The following TSPOAP1 variants were observed in gnomAD, a reference collection of about 807,000 sequenced individuals.
TSPOAP1 encodes the protein TSPO associated protein 1.
A neutral mutation model predicts 197.0 loss-of-function variants in TSPOAP1; 87 were observed. The observed-to-expected ratio is 0.44, with a 90% CI of 0.37 to 0.53. The LOEUF (loss-of-function observed/expected upper bound fraction) is 0.53, where lower values mean the gene tolerates loss of function less well. Among genes scored for constraint, TSPOAP1 ranks in the 20% least tolerant of loss-of-function variants. TSPOAP1 has a pLI of 0.00. For synonymous variants in TSPOAP1, 913 were observed against 998.9 expected, an observed-to-expected ratio of 0.91 and a Z score of 1.62; for missense variants, 2,174 against 2,411.3, an observed-to-expected ratio of 0.90 and a Z score of 2.06.
chr17:58,311,233 C>T lies in TSPOAP1; in HGVS notation c.3082-20G>A, dbSNP rs1156949548. 6.2e-7 allele frequency: 1 copy of T among 1,607,262 alleles called. No individual in the cohort carries two copies. The highest frequency in any genetic ancestry group is 8.5e-7 in the Non-Finnish European group (1 of 1,178,780). On this transcript the variant is annotated intron_variant, in intron 18 of 31. Coordinates refer to ENST00000343736, the MANE Select transcript of TSPOAP1 (RefSeq NM_004758.4). Reference sequence around the variant, plus strand: ...CATGATCTGCAGGGTGGAGGGGGCACAGGATGGGAAGCAGAGGCTGAGACA... The same window carrying T: ...CATGATCTGCAGGGTGGAGGGGGCATAGGATGGGAAGCAGAGGCTGAGACA...
At position 58,309,324 on chromosome 17, in the gene TSPOAP1, G is replaced by A. The variant is rs1330151754; in HGVS notation, c.3948C>T (p.Ile1316=). The A allele has an allele frequency of 6.2e-7, 1 of 1,613,456 alleles. No homozygotes were observed. Among genetic ancestry groups the A allele is most frequent in the Non-Finnish European group, 8.5e-7 (1 of 1,180,004 alleles). Residue 1316 remains isoleucine (I), a synonymous_variant, in exon 22 of 32, where the codon ATC becomes ATT. Coordinates refer to ENST00000343736, the MANE Select transcript of TSPOAP1 (RefSeq NM_004758.4). The surrounding 1 kb of genome is among the most constrained non-coding windows in gnomAD (Gnocchi z 5.0). ...TDSDEEILEQ[I]LELPLQQFCS... ...AGAACTGCTGGAGGGGCAGCTCCAG[G>A]ATCTGCTCCAAGATCTCCTCATCGC...
chr17:58,315,898 T>TGGAG, intron 16 of TSPOAP1, 125 bp downstream of exon 16: 1 of 707,230 alleles, frequency 1.4e-6, no homozygotes, highest in Non-Finnish European at 2.5e-6. Flanking sequence ...AGGGGATGGA[T>TGGAG]GGATGGATGG....
chr17:58,311,332 T>C, intron 18 of TSPOAP1, 119 bp from the exon 19 acceptor site: 1 of 1,418,752 alleles, frequency 7.0e-7, no homozygotes, highest in Non-Finnish European at 9.5e-7. Flanking sequence ...CGCCAGGTAC[T>C]GTGCTAAGCC....
chr17:58,311,831 T>C (rs1971086068), intron 17 of TSPOAP1, 61 bp downstream of exon 17: 1 of 1,486,698 alleles, frequency 6.7e-7, no homozygotes. Context: ...GGTCCCCTTC[T>C]TCCGTCACCC....
Position 58,323,467 on chromosome 17 carries a change from C to T in TSPOAP1, c.1020+1G>A, listed in dbSNP as rs1361412129. 1.9e-6 allele frequency: 3 copies of T among 1,614,102 alleles called. No homozygotes were observed. Among genetic ancestry groups the T allele is most frequent in the Non-Finnish European group, 2.5e-6 (3 of 1,180,020 alleles). ...CCTCCAGCCCTTGACCTAGGACTTA[C>T]CAGCTGCTGCACCCTCTGCTCTTTC... On this transcript the variant is annotated splice_donor_variant, in intron 6 of 31. Coordinates refer to ENST00000343736, the MANE Select transcript of TSPOAP1 (RefSeq NM_004758.4). LOFTEE classifies it high-confidence loss of function.
rs980048290 is a variant in TSPOAP1 at position 58,309,677 on chromosome 17, C to T, written c.3891+290G>A. Among the ~76,000 whole-genome samples the T allele has an allele frequency of 6.6e-6, 1 of 152,210 alleles. No homozygotes were observed. Among genetic ancestry groups the T allele is most frequent in the Non-Finnish European group, 1.5e-5 (1 of 68,032 alleles). ...GGCCTCCCCATCCCCTCCCCAGAAG[C>T]TACCAGCACAAGGATCTTAGGTGGC... On this transcript the variant is annotated intron_variant, in intron 21 of 31. Transcript: ENST00000343736. The surrounding 1 kb of genome is among the most constrained non-coding windows in gnomAD (Gnocchi z 5.0).
rs1463247534 is a variant in TSPOAP1 at position 58,319,340 on chromosome 17, C to A, written c.1495-46G>T. The A allele has an allele frequency of 3.3e-6, 5 of 1,527,754 alleles. No individual in the cohort carries two copies. The African/African-American group carries it at 6.9e-5, about 21-fold the overall frequency. The allele number at this position is 1,527,754 out of a possible 1,614,324, so 94.6% of individuals were successfully genotyped here. A position where few individuals can be genotyped will look rare whatever the true frequency, so the allele number is the denominator to read the frequency against. On this transcript the variant is annotated intron_variant, in intron 12 of 31. Coordinates refer to ENST00000343736, the MANE Select transcript of TSPOAP1 (RefSeq NM_004758.4). ...AGCCGCCAGGCCCCTCAAAGCTACCCAGTGCCAGCCCGTGCCATCTGTACA... is the reference window on the plus strand; with the variant it reads ...AGCCGCCAGGCCCCTCAAAGCTACCAAGTGCCAGCCCGTGCCATCTGTACA...
chr17:58,322,773 C>T lies in TSPOAP1; in HGVS notation c.1198G>A (p.Glu400Lys). The change falls in exon 9 of 32, where the codon GAG becomes AAG. Residue 400 changes from glutamate (E) to lysine (K), a missense_variant. By Grantham distance (56) the Glu-to-Lys change is moderately conservative. Coordinates refer to ENST00000343736, the MANE Select transcript of TSPOAP1 (RefSeq NM_004758.4). The surrounding 1 kb of genome is among the most constrained non-coding windows in gnomAD (Gnocchi z 5.0). Reference sequence around the variant, plus strand: ...CCCCTCAGCTCCGCATTCTCCCACTCCACCTGGCGAGGGGGCAGTGACAGG... The same window carrying T: ...CCCCTCAGCTCCGCATTCTCCCACTTCACCTGGCGAGGGGGCAGTGACAGG... Reference protein sequence around the residue: ...SGRATEKEQVEWENAELRGQL... With the variant: ...SGRATEKEQVKWENAELRGQL... 6.2e-7 allele frequency: 1 copy of T among 1,612,832 alleles called. No homozygotes were observed. Among genetic ancestry groups the T allele is most frequent in the Non-Finnish European group, 8.5e-7 (1 of 1,179,944 alleles).
Position 58,306,353 on chromosome 17 carries a change from C to T in TSPOAP1, c.5213G>A (p.Arg1738His), listed in dbSNP as rs772806875. The change falls in exon 26 of 32, where the codon CGC (arginine) becomes CAC (histidine). Residue 1738 changes from arginine to histidine, a missense_variant. Around this residue, in one of 5 missense-constraint regions of TSPOAP1, gnomAD observed 161 missense variants for 159.1 expected, o/e 1.01. Transcript: ENST00000343736. ...HTTGPPPKPR[R>H]SKKAESEGPA... ...GGGGTCTTACCCACCTTTCTTGGAGCGGCGGGGCTTGGGAGGAGGCCCAGT... is the reference window on the plus strand; with the variant it reads ...GGGGTCTTACCCACCTTTCTTGGAGTGGCGGGGCTTGGGAGGAGGCCCAGT... 1.2e-5 allele frequency: 19 copies of T among 1,553,914 alleles called. No homozygotes were observed. Among genetic ancestry groups the T allele is most frequent in the African/African-American group, 2.7e-5 (2 of 73,114 alleles).
At chr17:58,308,497 T>G in intron 22 of TSPOAP1, 44 bp downstream of exon 22, 1 of 1,483,538 alleles carries the variant, frequency 6.7e-7, no homozygotes, top group African/African-American at 1.4e-5. Context: ...GGCCACCAGG[T>G]GGCAGCAGGC....
chr17:58,308,581 C>T lies in TSPOAP1; in HGVS notation c.4691G>A (p.Gly1564Asp). 6.4e-7 allele frequency: 1 copy of T among 1,566,224 alleles called. No individual in the cohort carries two copies. Among genetic ancestry groups the T allele is most frequent in the South Asian group, 1.2e-5 (1 of 84,938 alleles). ...CTTGGCTCTGCCCGTCGCACTGCGG[C>T]CTCTCCGCTCTGGTTCCCCTTTCTC... ...AWEKGEPERRGRSATGRAKEP... is the reference protein window; with the variant it reads ...AWEKGEPERRDRSATGRAKEP... The change falls in exon 22 of 32, where the codon GGC (glycine) becomes GAC (aspartate). Residue 1564 changes from glycine (G) to aspartate (D), a missense_variant. Physicochemically the swap from Gly to Asp is moderately conservative, Grantham distance 94. Transcript: ENST00000343736.
intron 25 of TSPOAP1, 113 bp from the exon 26 acceptor site, chr17:58,306,526 G>T: frequency 9.2e-7 from 1 of 1,081,960 alleles, no homozygotes; most frequent in Non-Finnish European, 1.3e-6. Context: ...TTTCGTAAGG[G>T]CATTCATCTC....
intron 22 of TSPOAP1, 110 bp from the exon 23 acceptor site, chr17:58,308,051 C>G: frequency 9.1e-7 from 1 of 1,101,064 alleles, no homozygotes; most frequent in East Asian, 2.6e-5. Context: ...CGCAGGAGCA[C>G]AGCATTCCTC....
At chr17:58,325,086 T>C in intron 4 of TSPOAP1, 84 bp from the exon 5 acceptor site, 1 of 1,254,268 alleles carries the variant, frequency 8.0e-7, no homozygotes, top group East Asian at 2.6e-5. Context: ...GCCCTTCGCC[T>C]TGCTGGAGGG....
In TSPOAP1 at chr17:58,304,171, A is replaced by C; in HGVS notation, c.*32+167T>G. On this transcript the variant is annotated intron_variant, in intron 31 of 31. Transcript: ENST00000343736. This position sits in a 1 kb window ranked among gnomAD's most constrained non-coding sequence, Gnocchi z 4.2. ...CAAGGCAAGGGGAGCAGGGAGGGGG[A>C]GGGATGACTCTTCATGCAAATCTGG... The C allele has an allele frequency of 3.5e-6, 2 of 579,674 alleles. No homozygotes were observed. Among genetic ancestry groups the C allele is most frequent in the South Asian group, 4.2e-5 (2 of 47,544 alleles). 35.9% of individuals were successfully genotyped at this position (579,674 alleles called of 1,614,324 possible).
rs938469382 is a variant in TSPOAP1 at position 58,302,170 on chromosome 17, C to T, written c.*310G>A. Reference sequence around the variant, plus strand: ...ATGCCACAGTGTTAACGCAGAAGAACGGGGGCTCTGGGCCCAGTCTGAGCC... The same window carrying T: ...ATGCCACAGTGTTAACGCAGAAGAATGGGGGCTCTGGGCCCAGTCTGAGCC... On this transcript the variant is annotated 3_prime_UTR_variant, in exon 32 of 32. Transcript: ENST00000343736. 78 of 1,113,258 alleles carry T rather than the reference C, an allele frequency of 7.0e-5. No homozygotes were observed. The highest frequency in any genetic ancestry group is 1.2e-4 in the East Asian group (2 of 16,952). The allele number at this position is 1,113,258 out of a possible 1,614,324, so 69.0% of individuals were successfully genotyped here.
At position 58,309,817 on chromosome 17, in the gene TSPOAP1, C is replaced by T; in HGVS notation, c.3891+150G>A. 2.8e-6 allele frequency: 3 copies of T among 1,057,748 alleles called. No individual in the cohort carries two copies. The highest frequency in any genetic ancestry group is 3.3e-5 in the South Asian group (2 of 60,344). 65.5% of individuals were successfully genotyped at this position (1,057,748 alleles called of 1,614,324 possible). On this transcript the variant is annotated intron_variant, in intron 21 of 31. Transcript: ENST00000343736. The surrounding 1 kb of genome is among the most constrained non-coding windows in gnomAD (Gnocchi z 5.0). ...AGGAGGGCAGGGGCCAATCCTGGGG[C>T]ACTTCCTATCTTCTGCTTAGGACAG...
chr17:58,305,355 A>C (rs368799246), intron 29 of TSPOAP1, 32 bp downstream of exon 29: 1 of 1,611,380 alleles, frequency 6.2e-7, no homozygotes, highest in South Asian at 1.1e-5. Flanking sequence ...GGGGGCTGGG[A>C]TATGGTACAC....
In TSPOAP1 at chr17:58,309,486, CG is replaced by C; in HGVS notation, c.3892-107del. The C allele has an allele frequency of 7.0e-7, 1 of 1,426,326 alleles. No individual in the cohort carries two copies. The highest frequency in any genetic ancestry group is 9.3e-7 in the Non-Finnish European group (1 of 1,072,932). 88.4% of individuals were successfully genotyped at this position (1,426,326 alleles called of 1,614,324 possible). ...TGCCCTCAAACGAAGGCAGGGGTTA[CG>C]GACAACCCCACAGCCCTCCCACGGC... On this transcript the variant is annotated intron_variant, in intron 21 of 31. Coordinates refer to ENST00000343736, the MANE Select transcript of TSPOAP1 (RefSeq NM_004758.4). This position sits in a 1 kb window ranked among gnomAD's most constrained non-coding sequence, Gnocchi z 5.0.
Sources: allele counts gnomAD v4.1 joint callset (sites outside exome capture counted in the v4.1 genomes callset), GRCh38; gene constraint gnomAD v4.1.1; regional missense constraint gnomAD v4.1.1; non-coding constraint Gnocchi (gnomAD v3.1); transcripts MANE v1.5; gene names NCBI Gene and HGNC (gene_info 2026-07-23, HGNC 2026-07-21).